Variants in RGS10 observed in about 807,000 individuals in gnomAD.
The protein encoded by RGS10 is regulator of G-protein signalling 10.
In RGS10, 11 loss-of-function variants were observed where a neutral mutation model predicts 23.5. The observed-to-expected ratio is 0.47, with a 90% CI of 0.29 to 0.77. The LOEUF (loss-of-function observed/expected upper bound fraction) is 0.77, where lower values mean the gene tolerates loss of function less well. Ranked by LOEUF, RGS10 falls within the 30% of genes least tolerant of loss-of-function variation. The pLI is 0.08. For missense variants in RGS10, 180 were observed against 226.3 expected (o/e 0.80, Z 1.31); for synonymous variants, 77 against 83.2 (o/e 0.92, Z 0.41).
In RGS10 at chr10:119,517,627, G is replaced by C. The variant is rs116261941; in HGVS notation, c.256-1975C>G. 1.3e-5 allele frequency among the ~76,000 whole-genome samples: 2 copies of C among 152,202 alleles called. No individual in the cohort carries two copies. Among genetic ancestry groups the C allele is most frequent in the Admixed American group, 1.3e-4 (2 of 15,284 alleles). ...GCAAACTCCATGCAGAGGTCTGGGGGCAGAAATCACTTTAGACCTCCCCTC... is the reference window on the plus strand; with the variant it reads ...GCAAACTCCATGCAGAGGTCTGGGGCCAGAAATCACTTTAGACCTCCCCTC... On this transcript the variant is annotated intron_variant, in intron 3 of 4. Transcript: ENST00000369103. The surrounding 1 kb of genome is among the most constrained non-coding windows in gnomAD (Gnocchi z 5.0).
intron 1 of RGS10, among the ~76,000 whole-genome samples, chr10:119,539,682 C>T (rs574318389): frequency 3.9e-5 from 6 of 152,170 alleles, no homozygotes; most frequent in East Asian, 1.9e-4. Context: ...ACCCACAGGA[C>T]GGGTGGAACA....
At chr10:119,513,423 G>GAAC (rs1844099904) in intron 4 of RGS10, among the ~76,000 whole-genome samples, 1 of 151,960 alleles carries the variant, frequency 6.6e-6, no homozygotes, top group African/African-American at 2.4e-5. Flanking sequence ...TCATGCCACT[G>GAAC]TGCTCCAACC....
chr10:119,519,991 G>T (rs987940796), intron 3 of RGS10, among the ~76,000 whole-genome samples: 5 of 152,148 alleles, frequency 3.3e-5, no homozygotes, highest in African/African-American at 9.7e-5. Flanking sequence ...GAACAGAGTG[G>T]TCCCCTTCTG....
At chr10:119,535,024 C>T (rs1287126262) in intron 1 of RGS10, among the ~76,000 whole-genome samples, 2 of 152,164 alleles carry the variant, frequency 1.3e-5, no homozygotes, top group Non-Finnish European at 2.9e-5. Context: ...TTCCACTTTG[C>T]AGACGAAGAA....
chr10:119,509,268 T>C (rs1372473912), intron 4 of RGS10, among the ~76,000 whole-genome samples: 1 of 151,984 alleles, frequency 6.6e-6, no homozygotes, highest in East Asian at 1.9e-4. Flanking sequence ...GCAAGTCTTG[T>C]CCACAATCTC....
intron 1 of RGS10, among the ~76,000 whole-genome samples, chr10:119,528,973 G>C (rs1163019476): frequency 6.6e-6 from 1 of 152,164 alleles, no homozygotes; most frequent in Non-Finnish European, 1.5e-5. Context: ...ATCTTCCACT[G>C]TACTCTCTGA....
intron 1 of RGS10, among the ~76,000 whole-genome samples, chr10:119,533,730 T>C (rs1291076510): frequency 2.6e-5 from 4 of 152,244 alleles, no homozygotes; most frequent in African/African-American, 9.6e-5. Flanking sequence ...GACCTGCTTG[T>C]GATATTTGTT....
intron 4 of RGS10, among the ~76,000 whole-genome samples, chr10:119,512,688 T>C (rs577110511): frequency 3.3e-5 from 5 of 152,080 alleles, no homozygotes; most frequent in South Asian, 2.1e-4. Context: ...ACTGGGATTA[T>C]AGGCGCCCAC....
chr10:119,525,259 C>G (rs1291428009), intron 3 of RGS10, among the ~76,000 whole-genome samples: 7 of 152,090 alleles, frequency 4.6e-5, no homozygotes, highest in African/African-American at 1.7e-4. Flanking sequence ...GGAGACGGAA[C>G]CTGAAGCAGG....
chr10:119,524,132 C>T lies in RGS10; in HGVS notation c.255+1900G>A, dbSNP rs1393428459. Among the ~76,000 whole-genome samples the T allele has an allele frequency of 6.6e-6, 1 of 152,098 alleles. No homozygotes were observed. The highest frequency in any genetic ancestry group is 1.5e-5 in the Non-Finnish European group (1 of 68,020). On this transcript the variant is annotated intron_variant, in intron 3 of 4. Coordinates refer to ENST00000369103, the MANE Select transcript of RGS10 (RefSeq NM_001005339.2). The surrounding 1 kb of genome is among the most constrained non-coding windows in gnomAD (Gnocchi z 5.2). ...TTGCTCCCACGACACATGTGCTTCC[C>T]ATCTCTACACTCATTGCACTTGCAC...
At chr10:119,526,177 A>T in intron 2 of RGS10, 59 bp from the exon 3 acceptor site, 1 of 930,602 alleles carries the variant, frequency 1.1e-6, no homozygotes, top group Non-Finnish European at 1.6e-6. Context: ...AAATAAAACA[A>T]ATGGCATTTC....
At chr10:119,500,310 T>C in intron 4 of RGS10, 51 bp from the exon 5 acceptor site, 1 of 1,538,020 alleles carries the variant, frequency 6.5e-7, no homozygotes, top group Non-Finnish European at 8.8e-7. Context: ...ATCCAGGCCA[T>C]AAATCATCCC....
At position 119,510,397 on chromosome 10, in the gene RGS10, G is replaced by T. The variant is rs527813193; in HGVS notation, c.399+5112C>A. 2.5e-3 allele frequency among the ~76,000 whole-genome samples: 378 copies of T among 152,188 alleles called. 2 individuals carry two copies. The highest frequency in any genetic ancestry group is 8.8e-3 in the African/African-American group (364 of 41,510). On this transcript the variant is annotated intron_variant, in intron 4 of 4. Coordinates refer to ENST00000369103, the MANE Select transcript of RGS10 (RefSeq NM_001005339.2). Reference sequence around the variant, plus strand: ...CTCCTTGGAAGGTCCCGGCTCCCAGGTCCTCTCATCCAGATCCCGCTTGCC... The same window carrying T: ...CTCCTTGGAAGGTCCCGGCTCCCAGTTCCTCTCATCCAGATCCCGCTTGCC...
At chr10:119,511,017 C>T (rs960976527) in intron 4 of RGS10, among the ~76,000 whole-genome samples, 7 of 152,102 alleles carry the variant, frequency 4.6e-5, no homozygotes, top group East Asian at 1.9e-4. Context: ...CACGCCCGGC[C>T]GTAATACATG....
chr10:119,517,683 C>A lies in RGS10; in HGVS notation c.256-2031G>T, dbSNP rs572551165. Reference sequence around the variant, plus strand: ...CTTGACATTCACACGCACACACACACGCACACACGTGCACACACGCACACA... The same window carrying A: ...CTTGACATTCACACGCACACACACAAGCACACACGTGCACACACGCACACA... On this transcript the variant is annotated intron_variant, in intron 3 of 4. Coordinates refer to ENST00000369103, the MANE Select transcript of RGS10 (RefSeq NM_001005339.2). This position sits in a 1 kb window ranked among gnomAD's most constrained non-coding sequence, Gnocchi z 5.0. Among the ~76,000 whole-genome samples, 1 of 152,300 alleles carries A rather than the reference C, an allele frequency of 6.6e-6. No homozygotes were observed. The highest frequency in any genetic ancestry group is 1.5e-5 in the Non-Finnish European group (1 of 68,026).
chr10:119,502,714 G>A (rs934789154), intron 4 of RGS10, among the ~76,000 whole-genome samples: 5 of 152,134 alleles, frequency 3.3e-5, no homozygotes, highest in Admixed American at 2.0e-4. Context: ...CCTGAGGGGA[G>A]GGGGCTGCGA....
rs1844165193 is a variant in RGS10, at chr10:119,517,973, C to T, written c.256-2321G>A. On this transcript the variant is annotated intron_variant, in intron 3 of 4. Transcript: ENST00000369103. The surrounding 1 kb of genome is among the most constrained non-coding windows in gnomAD (Gnocchi z 5.0). ...AGCTGCAGGGCTCAGCTTATCTCGG[C>T]GGAGCTAGGAAGTATGACTGAAAAG... Among the ~76,000 whole-genome samples the T allele has an allele frequency of 6.6e-6, 1 of 152,054 alleles. No individual in the cohort carries two copies. Among genetic ancestry groups the T allele is most frequent in the South Asian group, 2.1e-4 (1 of 4,804 alleles).
At chr10:119,512,622 A>G (rs1844091432) in intron 4 of RGS10, among the ~76,000 whole-genome samples, 1 of 152,050 alleles carries the variant, frequency 6.6e-6, no homozygotes, top group Non-Finnish European at 1.5e-5. Context: ...ATCTCGGCTC[A>G]GTGCAGCCTC....
At chr10:119,512,136 A>G (rs1844084066) in intron 4 of RGS10, among the ~76,000 whole-genome samples, 2 of 134,368 alleles carry the variant, frequency 1.5e-5, no homozygotes, top group African/African-American at 5.8e-5. Context: ...GCACGTGGTG[A>G]TGAGGGGCTA....
Sources: gnomAD v4.1 joint callset for allele counts (sites outside exome capture counted in the v4.1 genomes callset) on GRCh38, gnomAD v4.1.1 for gene constraint, Gnocchi (gnomAD v3.1) non-coding constraint, MANE v1.5 for transcripts, NCBI Gene and HGNC (gene_info 2026-07-23, HGNC 2026-07-21) for gene names.